The following COL4A4 variants were observed in gnomAD, a reference collection of about 807,000 sequenced individuals.
COL4A4 encodes collagen type IV alpha 4 chain.
COL4A4 carries 105 observed loss-of-function variants against 192.9 expected under a neutral mutation model. The observed-to-expected ratio is 0.54, with a 90% confidence interval of 0.46 to 0.64. The LOEUF (loss-of-function observed/expected upper bound fraction) is 0.64, where lower values mean the gene tolerates loss of function less well. COL4A4 is among the 30% of genes least tolerant of loss of function. The probability of loss-of-function intolerance (pLI) is 0.00; values close to 1 mark genes in which losing one functional copy is unlikely to be tolerated. For missense variants in COL4A4, 1,967 were observed against 2,169.3 expected (o/e 0.91, Z 1.85); for synonymous variants, 762 against 769.9 (o/e 0.99, Z 0.17).
intron 2 of COL4A4, among the ~76,000 whole-genome samples, chr2:227,146,965 G>A (rs549751879): frequency 5.3e-5 from 8 of 152,256 alleles, no homozygotes; most frequent in African/African-American, 1.2e-4. Flanking sequence ...AATTCTATCC[G>A]TAGCTTTAAT....
chr2:227,025,461 A>G (rs1283767124), intron 43 of COL4A4, among the ~76,000 whole-genome samples: 5 of 152,180 alleles, frequency 3.3e-5, no homozygotes, highest in Non-Finnish European at 7.3e-5. Flanking sequence ...TGCTCTAGGT[A>G]TTTATATTGT....
At chr2:227,116,420 T>C (rs772052651) in intron 7 of COL4A4, among the ~76,000 whole-genome samples, 3 of 152,222 alleles carry the variant, frequency 2.0e-5, no homozygotes, top group African/African-American at 4.8e-5. Flanking sequence ...CTGTCTGTGA[T>C]TGGCCCCTGC....
intron 3 of COL4A4, among the ~76,000 whole-genome samples, chr2:227,143,873 T>A (rs2063380597): frequency 6.6e-6 from 1 of 152,236 alleles, no homozygotes; most frequent in South Asian, 2.1e-4. Flanking sequence ...GACCCAGGTG[T>A]TTTCTGCTCC....
the COL4A4 span, among the ~76,000 whole-genome samples, chr2:226,975,354 TTTTA>T: frequency 2.0e-5 from 3 of 152,148 alleles, no homozygotes; most frequent in African/African-American, 4.8e-5. Context: ...ACTTATACAA[TTTTA>T]TTTGTCAATT....
Position 227,054,630 on chromosome 2 carries a change from C to T in COL4A4, c.2824G>A (p.Gly942Ser). ...CTCAGTCCCCGGTCTCCAGGAAGGC[C>T]AGACATGCCCTTCTCTCCAGGTTCT... ...KGEPGEKGMSGLPGDRGLRGA... is the reference protein window; with the variant it reads ...KGEPGEKGMSSLPGDRGLRGA... Residue 942 changes from glycine to serine, a missense_variant, in exon 31 of 48, where the codon GGC becomes AGC. Transcript: ENST00000396625. 1 of 1,614,220 alleles carries T rather than the reference C, an allele frequency of 6.2e-7. No homozygotes were observed. Among genetic ancestry groups the T allele is most frequent in the Non-Finnish European group, 8.5e-7 (1 of 1,180,032 alleles).
At chr2:227,151,529 C>T (rs1045060121) in intron 1 of COL4A4, among the ~76,000 whole-genome samples, 2 of 143,846 alleles carry the variant, frequency 1.4e-5, no homozygotes, top group East Asian at 2.1e-4. Context: ...AAAATTTATT[C>T]AACATAAACA....
chr2:227,148,904 C>T (rs937552683), intron 1 of COL4A4, among the ~76,000 whole-genome samples: 3 of 150,962 alleles, frequency 2.0e-5, no homozygotes, highest in South Asian at 2.1e-4. Context: ...TGCAATGGCG[C>T]GATCTTGGCT....
intron 22 of COL4A4, among the ~76,000 whole-genome samples, chr2:227,086,146 G>A (rs890777370): frequency 6.6e-6 from 1 of 152,184 alleles, no homozygotes; most frequent in Non-Finnish European, 1.5e-5. Context: ...CCTAGGGAGC[G>A]CCGTCAGGCT....
chr2:227,007,639 C>G lies in COL4A4; in HGVS notation c.4810-51G>C, dbSNP rs141701415. 4.7e-5 allele frequency: 75 copies of G among 1,610,006 alleles called. 1 individual carries two copies. The African/African-American group carries it at 8.8e-4, about 19-fold the overall frequency. Reference sequence around the variant, plus strand: ...GGGCTCAGACACACACAGACAACCCCAGACCCAATCAGGGACACACCCAGG... The same window carrying G: ...GGGCTCAGACACACACAGACAACCCGAGACCCAATCAGGGACACACCCAGG... On this transcript the variant is annotated intron_variant, in intron 47 of 47. Coordinates refer to ENST00000396625, the MANE Select transcript of COL4A4 (RefSeq NM_000092.5).
At chr2:227,052,600 G>C (rs1038870329) in intron 31 of COL4A4, among the ~76,000 whole-genome samples, 188 bp from the exon 32 acceptor site, 2 of 152,124 alleles carry the variant, frequency 1.3e-5, no homozygotes, top group African/African-American at 4.8e-5. Context: ...TTACGTTCCT[G>C]ACCCCATTTG....
chr2:227,131,786 A>G (rs2062487666), intron 4 of COL4A4, among the ~76,000 whole-genome samples: 1 of 152,166 alleles, frequency 6.6e-6, no homozygotes, highest in Non-Finnish European at 1.5e-5. Context: ...TATAAGGAGG[A>G]CGCAGAGGGA....
chr2:227,074,974 AC>A (rs1156875735), intron 25 of COL4A4, among the ~76,000 whole-genome samples: 1 of 152,156 alleles, frequency 6.6e-6, no homozygotes, highest in African/African-American at 2.4e-5. Context: ...TAGACCAATA[AC>A]AAGTTCTGAA....
In COL4A4 at chr2:227,147,433, C is replaced by T. The variant is rs748315118; in HGVS notation, c.51G>A (p.Lys17=). ...CTCACCAGGGACCTGTGGCCAAGGA[C>T]TTGGTCAATCTGAAGGAGCACCTCA... ...VLMRCSFRLT[K]SLATGPWSLI... The change falls in exon 2 of 48, where the codon AAG becomes AAA. Residue 17 remains lysine (K), a synonymous_variant. Coordinates refer to ENST00000396625, the MANE Select transcript of COL4A4 (RefSeq NM_000092.5). 6.2e-7 allele frequency: 1 copy of T among 1,613,810 alleles called. No individual in the cohort carries two copies. The highest frequency in any genetic ancestry group is 1.1e-5 in the South Asian group (1 of 91,084).
At chr2:227,088,875 G>A in intron 21 of COL4A4, 59 bp from the exon 22 acceptor site, 1 of 1,582,696 alleles carries the variant, frequency 6.3e-7, no homozygotes, top group Non-Finnish European at 8.7e-7. Flanking sequence ...CCCAATAAGG[G>A]CTTTACTGTA....
chr2:227,003,502 A>T lies in COL4A4; in HGVS notation c.*3823T>A, dbSNP rs1359522842. 2 of 152,212 alleles carry T rather than the reference A, an allele frequency of 1.3e-5. No homozygotes were observed. Among genetic ancestry groups the T allele is most frequent in the African/African-American group, 4.8e-5 (2 of 41,458 alleles). The allele number at this position is 152,212 out of a possible 1,614,324, so 9.4% of individuals were successfully genotyped here. On this transcript the variant is annotated 3_prime_UTR_variant, in exon 48 of 48. Coordinates refer to ENST00000396625, the MANE Select transcript of COL4A4 (RefSeq NM_000092.5). The stretch of plus-strand genomic sequence containing the variant: ...ACTATTCTTGCAGCCATACCAAGTA[A>T]AAGTAACAATTATCAGATTATTCCA...
At chr2:226,985,863 A>C in the COL4A4 span, among the ~76,000 whole-genome samples, 1 of 152,194 alleles carries the variant, frequency 6.6e-6, no homozygotes, top group East Asian at 1.9e-4. Flanking sequence ...GCCCACTCCT[A>C]CCTCTTCCAG....
chr2:226,970,198 G>A, the COL4A4 span, among the ~76,000 whole-genome samples: 3 of 151,834 alleles, frequency 2.0e-5, no homozygotes, highest in Non-Finnish European at 4.4e-5. Flanking sequence ...AGAATTGAAT[G>A]TATTTTCCCC....
At chr2:227,110,680 C>CT (rs34785989) in intron 9 of COL4A4, among the ~76,000 whole-genome samples, 22,222 of 94,250 alleles carry the variant, frequency 0.24, 3,799 homozygotes, top group East Asian at 0.38. Context: ...CTCACCCAGT[C>CT]TTTTTTTTTT....
Position 227,041,820 on chromosome 2 carries a change from G to GAAAGA in COL4A4, c.3505+323_3505+327dup, listed in dbSNP as rs1304829802. ...AGAAAGAAAGGAAGAAAGAAAGAAA[G>GAAAGA]AAAGAAAGAAAGAAAGAAAGAAAGA... On this transcript the variant is annotated intron_variant, in intron 37 of 47. Transcript: ENST00000396625. Among the ~76,000 whole-genome samples, 68 of 37,702 alleles carry GAAAGA rather than the reference G, an allele frequency of 1.8e-3. 3 individuals carry two copies. The highest frequency in any genetic ancestry group is 0.012 in the African/African-American group (66 of 5,682). The allele number at this position is 37,702 out of a possible 152,430, so 24.7% of individuals were successfully genotyped here.
Sources: gnomAD v4.1 joint callset for allele counts (sites outside exome capture counted in the v4.1 genomes callset) on GRCh38, gnomAD v4.1.1 for gene constraint, MANE v1.5 for transcripts, NCBI Gene and HGNC (gene_info 2026-07-23, HGNC 2026-07-21) for gene names.